The following MRPL47 variants were observed in gnomAD, a reference collection of about 807,000 sequenced individuals.
MRPL47 encodes large ribosomal subunit protein uL29m.
A neutral mutation model predicts 34.0 loss-of-function variants in MRPL47; 31 were observed. The ratio of observed to expected loss-of-function variants is 0.91; its 90% CI spans 0.68 to 1.23. MRPL47 has a LOEUF of 1.23. MRPL47 is among the 50% of genes most tolerant of loss of function. MRPL47 has a pLI of 0.00. For synonymous variants in MRPL47, 106 were observed against 101.6 expected, an observed-to-expected ratio of 1.04 and a Z score of -0.26; for missense variants, 328 against 285.8, an observed-to-expected ratio of 1.15 and a Z score of -1.07.
intron 4 of MRPL47, among the ~76,000 whole-genome samples, 159 bp from the exon 5 acceptor site, chr3:179,594,054 T>C (rs1401220280): frequency 6.6e-6 from 1 of 152,248 alleles, no homozygotes; most frequent in African/African-American, 2.4e-5. Flanking sequence ...GGCACAAGTA[T>C]GTCTACATGG....
intron 3 of MRPL47, 107 bp from the exon 4 acceptor site, chr3:179,598,878 G>T (rs1718857423): frequency 5.2e-6 from 4 of 768,456 alleles, no homozygotes; most frequent in Non-Finnish European, 8.7e-6. Context: ...TCACTTAGAG[G>T]CGAGGTGCTG....
At chr3:179,592,789 T>C (rs1436709627) in intron 5 of MRPL47, 50 bp from the exon 6 acceptor site, 1 of 1,183,524 alleles carries the variant, frequency 8.4e-7, no homozygotes, top group African/African-American at 1.5e-5. Context: ...ATTTAATACA[T>C]TTTCACTTTC....
At chr3:179,589,770 A>T (rs1718626429) in intron 6 of MRPL47, among the ~76,000 whole-genome samples, 1 of 152,248 alleles carries the variant, frequency 6.6e-6, no homozygotes, top group African/African-American at 2.4e-5. Context: ...GAAGTAAAAA[A>T]TATGCACATA....
At chr3:179,598,508 C>T (rs1009835036) in intron 4 of MRPL47, among the ~76,000 whole-genome samples, 167 bp downstream of exon 4, 2 of 150,596 alleles carry the variant, frequency 1.3e-5, no homozygotes, top group Admixed American at 6.6e-5. Flanking sequence ...CTTTTAGGGG[C>T]GATGGAAATG....
intron 6 of MRPL47, among the ~76,000 whole-genome samples, chr3:179,592,405 G>A (rs987509432): frequency 7.2e-5 from 11 of 151,838 alleles, no homozygotes; most frequent in South Asian, 2.1e-4. Flanking sequence ...CATGTTAGCC[G>A]GGATGGTCTC....
intron 1 of MRPL47, among the ~76,000 whole-genome samples, chr3:179,604,028 C>A (rs960725226): frequency 6.7e-6 from 1 of 148,796 alleles, no homozygotes; most frequent in African/African-American, 2.5e-5. Context: ...AGAGTCATGG[C>A]AACCAATGTA....
In MRPL47 at chr3:179,601,803, T is replaced by C. The variant is rs371138452; in HGVS notation, c.245-13A>G. On this transcript the variant is annotated splice_polypyrimidine_tract_variant and intron_variant, in intron 2 of 6. Coordinates refer to ENST00000476781, the MANE Select transcript of MRPL47 (RefSeq NM_020409.3). ...GTCCATGCTGCTCCTATTAAAATAA[T>C]ACATAACATGAAATAACATTTCTAG... 8.2e-6 allele frequency: 13 copies of C among 1,590,826 alleles called. No homozygotes were observed. In the African/African-American group the frequency reaches 1.7e-4, roughly 21 times the overall value.
chr3:179,596,267 T>C (rs1277569574), intron 4 of MRPL47, among the ~76,000 whole-genome samples: 1 of 152,246 alleles, frequency 6.6e-6, no homozygotes, highest in African/African-American at 2.4e-5. Context: ...ATCCCAATTA[T>C]AATTCTTTTC....
intron 4 of MRPL47, among the ~76,000 whole-genome samples, chr3:179,598,228 G>A (rs964218396): frequency 1.4e-4 from 21 of 151,722 alleles, no homozygotes; most frequent in Non-Finnish European, 2.1e-4. Context: ...TTATACCAAA[G>A]ATACAAAAAT....
chr3:179,592,807 ACCTCAAAAGGGTTAGT>A (rs1484479076), intron 5 of MRPL47, 68 bp from the exon 6 acceptor site: 2 of 964,768 alleles, frequency 2.1e-6, no homozygotes, highest in Admixed American at 2.1e-5. Flanking sequence ...TTCCTAATTT[ACCTCAAAAGGGTTAGT>A]CCAAATAAAA....
intron 6 of MRPL47, among the ~76,000 whole-genome samples, chr3:179,592,082 C>T (rs1718686306): frequency 6.6e-6 from 1 of 152,240 alleles, no homozygotes; most frequent in East Asian, 1.9e-4. Flanking sequence ...ATCTGCCTGC[C>T]TTGGCCTCCC....
chr3:179,601,249 C>T (rs894699324), intron 3 of MRPL47, among the ~76,000 whole-genome samples: 3 of 151,956 alleles, frequency 2.0e-5, no homozygotes, highest in East Asian at 1.9e-4. Flanking sequence ...CTCCATAAAA[C>T]GCAAAAAAAT....
At chr3:179,594,509 G>A (rs79374215) in intron 4 of MRPL47, among the ~76,000 whole-genome samples, 1 of 152,174 alleles carries the variant, frequency 6.6e-6, no homozygotes, top group African/African-American at 2.4e-5. Context: ...TTTAGACAGA[G>A]TCTTGCTCTG....
At position 179,602,593 on chromosome 3, in the gene MRPL47, C is replaced by T. The variant is rs963452403; in HGVS notation, c.244+59G>A. On this transcript the variant is annotated intron_variant, in intron 2 of 6. Coordinates refer to ENST00000476781, the MANE Select transcript of MRPL47 (RefSeq NM_020409.3). The stretch of plus-strand genomic sequence containing the variant: ...ATATAATCCTAGAACGATGGTTGGG[C>T]GGGGCGGGGGGGGGGGTTCCATAAA... 45 of 806,238 alleles carry T rather than the reference C, an allele frequency of 5.6e-5. 1 individual carries two copies. Among genetic ancestry groups the T allele is most frequent in the Middle Eastern group, 3.5e-4 (1 of 2,854 alleles). 49.9% of individuals were successfully genotyped at this position (806,238 alleles called of 1,614,324 possible). A position where few individuals can be genotyped will look rare whatever the true frequency, so the allele number is the denominator to read the frequency against.
At chr3:179,596,839 T>C (rs1718799379) in intron 4 of MRPL47, among the ~76,000 whole-genome samples, 1 of 152,212 alleles carries the variant, frequency 6.6e-6, no homozygotes, top group Non-Finnish European at 1.5e-5. Flanking sequence ...AAATTCATGA[T>C]GCAGAATTTT....
In MRPL47 at chr3:179,602,751, A is replaced by C; in HGVS notation, c.145T>G (p.Phe49Val). Residue 49 changes from phenylalanine (F) to valine (V), a missense_variant, in exon 2 of 7, where the codon TTT becomes GTT. Phe to Val is a conservative substitution (Grantham distance 50, BLOSUM62 -1). Transcript: ENST00000476781. ...LPKSTPNVTS[F>V]HQYRLLHTTL... The stretch of plus-strand genomic sequence containing the variant: ...GTATGAAGTAATCTATATTGGTGAA[A>C]GGATGTCACATTTGGTGTACTCTTA... 1 of 1,612,174 alleles carries C rather than the reference A, an allele frequency of 6.2e-7. No individual in the cohort carries two copies.
intron 6 of MRPL47, among the ~76,000 whole-genome samples, chr3:179,589,965 T>C (rs1203112918): frequency 1.3e-5 from 2 of 152,162 alleles, no homozygotes; most frequent in Non-Finnish European, 2.9e-5. Flanking sequence ...CTTAAAAAGG[T>C]AGTTTCAAAA....
intron 4 of MRPL47, among the ~76,000 whole-genome samples, chr3:179,594,732 C>T (rs1718756319): frequency 6.6e-6 from 1 of 152,116 alleles, no homozygotes; most frequent in Admixed American, 6.5e-5. Context: ...GATCTGCCCA[C>T]CTTGGCCTCC....
intron 4 of MRPL47, among the ~76,000 whole-genome samples, chr3:179,595,143 T>C (rs1006371175): frequency 2.0e-5 from 3 of 152,128 alleles, no homozygotes; most frequent in Admixed American, 1.3e-4. Flanking sequence ...CCTCCCAGGC[T>C]CAAGCAATCC....
Sources: allele counts gnomAD v4.1 joint callset (sites outside exome capture counted in the v4.1 genomes callset), GRCh38; gene constraint gnomAD v4.1.1; transcripts MANE v1.5; gene names NCBI Gene and HGNC (gene_info 2026-07-23, HGNC 2026-07-21).